CPNE4: variants seen among roughly 807,000 people sequenced by gnomAD.
The protein encoded by CPNE4 is copine-4.
In CPNE4, 25 loss-of-function variants were observed where a neutral mutation model predicts 67.9. The ratio of observed to expected loss-of-function variants is 0.37; its 90% confidence interval spans 0.27 to 0.51. CPNE4 has a LOEUF of 0.51. CPNE4 is among the 20% of genes least tolerant of loss of function. The probability of loss-of-function intolerance (pLI) is 0.93; values close to 1 mark genes in which losing one functional copy is unlikely to be tolerated. For missense variants in CPNE4, 464 were observed against 690.8 expected, an observed-to-expected ratio of 0.67 and a Z score of 3.68; for synonymous variants, 242 against 244.9, an observed-to-expected ratio of 0.99 and a Z score of 0.11.
intron 14 of CPNE4, among the ~76,000 whole-genome samples, chr3:131,543,746 G>A (rs967370419): frequency 1.3e-5 from 2 of 152,162 alleles, no homozygotes; most frequent in Admixed American, 6.5e-5. Context: ...TATTTCCACT[G>A]GATGGCACTA....
In CPNE4 at chr3:131,877,112, G is replaced by A. The variant is rs920927019; in HGVS notation, c.180+28152C>T. ...TTTCCATCCTCTTTTGCATCTAGTA[G>A]TAACCAGTGACACACTGGCCATTAA... On this transcript the variant is annotated intron_variant, in intron 2 of 15. Coordinates refer to ENST00000429747, the MANE Select transcript of CPNE4 (RefSeq NM_130808.3). 1.2e-4 allele frequency among the ~76,000 whole-genome samples: 18 copies of A among 151,646 alleles called. 1 individual carries two copies. Among genetic ancestry groups the A allele is most frequent in the African/African-American group, 4.1e-4 (17 of 41,266 alleles).
chr3:131,806,522 C>A (rs2084317614), intron 2 of CPNE4, among the ~76,000 whole-genome samples: 1 of 146,944 alleles, frequency 6.8e-6, no homozygotes, highest in South Asian at 2.2e-4. Context: ...TGCACTCCAG[C>A]CTGGGTGACA....
chr3:131,825,625 A>T (rs1487186452), intron 2 of CPNE4, among the ~76,000 whole-genome samples: 2 of 152,194 alleles, frequency 1.3e-5, no homozygotes, highest in African/African-American at 4.8e-5. Context: ...AGGGTCGAGG[A>T]TCATTTCAAA....
At chr3:131,972,367 C>A (rs2072527437) in intron 1 of CPNE4, among the ~76,000 whole-genome samples, 2 of 147,746 alleles carry the variant, frequency 1.4e-5, no homozygotes, top group Admixed American at 1.3e-4. Context: ...ATAGCACTTA[C>A]AAGCAGAGTT....
chr3:131,554,162 C>CTGA (rs1936335653), intron 12 of CPNE4, among the ~76,000 whole-genome samples: 1 of 152,038 alleles, frequency 6.6e-6, no homozygotes, highest in African/African-American at 2.4e-5. Context: ...GGTAGTTGGG[C>CTGA]TGATGGCTAT....
In CPNE4 at chr3:131,630,922, G is replaced by A. The variant is rs200888066; in HGVS notation, c.681+38753C>T. Among the ~76,000 whole-genome samples the A allele has an allele frequency of 1.5e-4, 23 of 152,286 alleles. No individual in the cohort carries two copies. The East Asian group carries it at 4.1e-3, about 27-fold the overall frequency. ...GGCTGCTGATTAGGACAACATCAGG[G>A]TACCCTGAAGTTCTAAATCATGGAG... On this transcript the variant is annotated intron_variant, in intron 7 of 15. Coordinates refer to ENST00000429747, the MANE Select transcript of CPNE4 (RefSeq NM_130808.3).
chr3:131,878,217 C>G (rs1195364063), intron 2 of CPNE4, among the ~76,000 whole-genome samples: 1 of 152,056 alleles, frequency 6.6e-6, no homozygotes, highest in Non-Finnish European at 1.5e-5. Flanking sequence ...TGGAAGCAAC[C>G]CCTATGTTCA....
intron 3 of CPNE4, among the ~76,000 whole-genome samples, chr3:131,714,757 A>G (rs777562964): frequency 1.5e-4 from 23 of 152,292 alleles, no homozygotes; most frequent in Non-Finnish European, 2.5e-4. Context: ...TTGTATTTTA[A>G]TATGCCTCCA....
intron 1 of CPNE4, among the ~76,000 whole-genome samples, chr3:131,941,401 A>G (rs1383715207): frequency 9.3e-5 from 14 of 150,958 alleles, no homozygotes; most frequent in Non-Finnish European, 2.1e-4. Context: ...ATAGCGGGGA[A>G]ATTTACACCA....
chr3:131,870,528 G>A (rs746694985), intron 2 of CPNE4, among the ~76,000 whole-genome samples: 1 of 152,128 alleles, frequency 6.6e-6, no homozygotes, highest in Non-Finnish European at 1.5e-5. Context: ...GGGAAAGGAA[G>A]TCAAGGAGAA....
intron 1 of CPNE4, among the ~76,000 whole-genome samples, chr3:131,963,163 C>T (rs1201788730): frequency 6.6e-6 from 1 of 152,060 alleles, no homozygotes; most frequent in Non-Finnish European, 1.5e-5. Context: ...GGGGAGCCCC[C>T]CTCCCTCAGC....
chr3:131,777,244 C>A (rs905421188), intron 2 of CPNE4, among the ~76,000 whole-genome samples: 3 of 151,998 alleles, frequency 2.0e-5, no homozygotes, highest in Non-Finnish European at 4.4e-5. Context: ...TACTCATAAA[C>A]CAGGAAAAGC....
At chr3:131,893,139 A>G (rs2088182381) in intron 2 of CPNE4, among the ~76,000 whole-genome samples, 1 of 152,070 alleles carries the variant, frequency 6.6e-6, no homozygotes, top group Admixed American at 6.6e-5. Flanking sequence ...AGGGATGAAA[A>G]AAGATATTCC....
chr3:131,835,976 T>C (rs73203831), intron 2 of CPNE4, among the ~76,000 whole-genome samples: 11,336 of 152,188 alleles, frequency 0.074, 571 homozygotes, highest in East Asian at 0.17. Flanking sequence ...AGGAATCTTT[T>C]CAATCTTTGT....
At chr3:131,596,957 G>A (rs922533941) in intron 7 of CPNE4, among the ~76,000 whole-genome samples, 9 of 152,034 alleles carry the variant, frequency 5.9e-5, no homozygotes, top group Non-Finnish European at 1.3e-4. Flanking sequence ...CTCTTCCCTG[G>A]TTTTCATGTA....
intron 7 of CPNE4, among the ~76,000 whole-genome samples, chr3:131,616,686 G>T (rs988676623): frequency 2.6e-5 from 4 of 152,064 alleles, no homozygotes; most frequent in African/African-American, 9.7e-5. Flanking sequence ...TCCTCCTCTT[G>T]TTGATCCCTC....
chr3:131,938,455 A>C (rs567410438), intron 1 of CPNE4, among the ~76,000 whole-genome samples: 2 of 152,254 alleles, frequency 1.3e-5, no homozygotes, highest in African/African-American at 4.8e-5. Flanking sequence ...TGTCTCAAAC[A>C]ATAATGTATT....
At chr3:131,597,035 T>C (rs1938920809) in intron 7 of CPNE4, among the ~76,000 whole-genome samples, 1 of 152,214 alleles carries the variant, frequency 6.6e-6, no homozygotes. Flanking sequence ...CCAACATTTA[T>C]TGAACACTCA....
At chr3:131,584,764 C>CT (rs1311243380) in intron 8 of CPNE4, among the ~76,000 whole-genome samples, 1 of 152,156 alleles carries the variant, frequency 6.6e-6, no homozygotes, top group African/African-American at 2.4e-5. Context: ...CCACATGAGA[C>CT]TATTGAGTAT....
Sources: allele counts gnomAD v4.1 joint callset (sites outside exome capture counted in the v4.1 genomes callset), GRCh38; gene constraint gnomAD v4.1.1; transcripts MANE v1.5; gene names NCBI Gene and HGNC (gene_info 2026-07-23, HGNC 2026-07-21).